Variants in DCTN4 observed in about 807,000 individuals in gnomAD.
DCTN4 encodes dynactin subunit 4, also known as dynactin 4 (p62).
In DCTN4, 23 loss-of-function variants were observed where a neutral mutation model predicts 62.7. That is an observed-to-expected ratio of 0.37 (90% confidence interval 0.26 to 0.52). The LOEUF is 0.52. Among genes scored for constraint, DCTN4 ranks in the 20% least tolerant of loss-of-function variants. The pLI, the probability that DCTN4 is intolerant of heterozygous loss-of-function variation, is 0.92. For missense variants in DCTN4, 514 were observed against 580.4 expected (o/e 0.89, Z 1.18); for synonymous variants, 199 against 202.1 (o/e 0.98, Z 0.13).
intron 3 of DCTN4, among the ~76,000 whole-genome samples, chr5:150,748,042 C>A (rs1471205632): frequency 6.6e-6 from 1 of 150,810 alleles, no homozygotes; most frequent in Admixed American, 6.6e-5. Context: ...ACCTACTCAT[C>A]TGACAAAGGG....
At chr5:150,755,897 A>G (rs1752841746) in intron 2 of DCTN4, among the ~76,000 whole-genome samples, 1 of 152,226 alleles carries the variant, frequency 6.6e-6, no homozygotes. Context: ...GGAACTCTCC[A>G]TACTATCTTC....
intron 1 of DCTN4, among the ~76,000 whole-genome samples, chr5:150,757,044 G>T (rs1752890109): frequency 6.6e-6 from 1 of 152,116 alleles, no homozygotes; most frequent in Non-Finnish European, 1.5e-5. Context: ...TAAAAAACTG[G>T]AGTCTAAAAT....
rs149097016 is a variant in DCTN4 at position 150,741,031 on chromosome 5, C to G, written c.429+1083G>C. Among the ~76,000 whole-genome samples the G allele has an allele frequency of 4.5e-3, 680 of 152,062 alleles. 4 individuals carry two copies. Among genetic ancestry groups the G allele is most frequent in the African/African-American group, 0.016 (652 of 41,456 alleles). On this transcript the variant is annotated intron_variant, in intron 4 of 12. Coordinates refer to ENST00000447998, the MANE Select transcript of DCTN4 (RefSeq NM_016221.4). ...TCCATGTAAGCAAACACCAGGTGTT[C>G]CCCAAAAACCTATTTTTTTTTCTTT... is the stretch of plus-strand genomic sequence containing the variant.
intron 2 of DCTN4, chr5:150,755,588 T>C (rs369693244): frequency 6.1e-5 from 28 of 456,146 alleles, no homozygotes; most frequent in Admixed American, 2.6e-4. Context: ...AAAAACATCA[T>C]GCAAATCCTA....
At chr5:150,737,692 G>C (rs1470545094) in intron 4 of DCTN4, among the ~76,000 whole-genome samples, 1 of 151,900 alleles carries the variant, frequency 6.6e-6, no homozygotes, top group Non-Finnish European at 1.5e-5. Context: ...AGACAATCTA[G>C]GGTCATACCT....
intron 8 of DCTN4, among the ~76,000 whole-genome samples, chr5:150,729,260 T>C (rs1015368236): frequency 5.3e-5 from 8 of 151,896 alleles, no homozygotes; most frequent in African/African-American, 1.7e-4. Flanking sequence ...TTTTTCATTA[T>C]AGAAATTTTC....
intron 3 of DCTN4, among the ~76,000 whole-genome samples, chr5:150,744,322 C>A (rs1387090028): frequency 1.3e-5 from 2 of 151,786 alleles, no homozygotes; most frequent in Non-Finnish European, 2.9e-5. Context: ...GATTGGTGTA[C>A]CTGAAAGTGA....
At chr5:150,728,623 C>CT (rs907971552) in intron 8 of DCTN4, among the ~76,000 whole-genome samples, 45 of 151,962 alleles carry the variant, frequency 3.0e-4, no homozygotes, top group African/African-American at 1.0e-3. Context: ...TAAATTGAAT[C>CT]TTTTTTTTAA....
intron 4 of DCTN4, among the ~76,000 whole-genome samples, chr5:150,739,750 A>G (rs985984023): frequency 3.3e-5 from 5 of 152,236 alleles, no homozygotes; most frequent in Admixed American, 2.6e-4. Flanking sequence ...AATGAAACAG[A>G]ATAGAGAACC....
intron 8 of DCTN4, among the ~76,000 whole-genome samples, chr5:150,724,402 C>T (rs2113021944): frequency 6.6e-6 from 1 of 152,208 alleles, no homozygotes; most frequent in East Asian, 1.9e-4. Context: ...TGTGGCTTAT[C>T]TTTTCATTTC....
chr5:150,752,919 T>A (rs191170140), intron 3 of DCTN4, among the ~76,000 whole-genome samples: 3 of 151,854 alleles, frequency 2.0e-5, no homozygotes, highest in Non-Finnish European at 2.9e-5. Context: ...CAGGCTGGAG[T>A]GCAGAGGCCC....
chr5:150,719,841 A>G, intron 9 of DCTN4, 71 bp from the exon 10 acceptor site: 1 of 947,686 alleles, frequency 1.1e-6, no homozygotes, highest in South Asian at 1.5e-5. Context: ...TTTTAAAGCT[A>G]GTGCAGTACA....
intron 2 of DCTN4, among the ~76,000 whole-genome samples, chr5:150,754,647 A>G (rs529379154): frequency 6.6e-6 from 1 of 152,310 alleles, no homozygotes; most frequent in Non-Finnish European, 1.5e-5. Flanking sequence ...CTCCTTGGAG[A>G]AACAACTCTA....
intron 12 of DCTN4, among the ~76,000 whole-genome samples, chr5:150,711,973 C>T (rs1260292272): frequency 1.3e-5 from 2 of 152,080 alleles, no homozygotes; most frequent in Non-Finnish European, 2.9e-5. Flanking sequence ...AATGGTTGCA[C>T]AGTATTCAAT....
rs544001956 is a variant in DCTN4, at chr5:150,745,826, A to C, written c.386-3669T>G. Among the ~76,000 whole-genome samples the C allele has an allele frequency of 2.6e-4, 40 of 152,278 alleles. No individual in the cohort carries two copies. In the East Asian group the frequency reaches 7.7e-3, roughly 29 times the overall value. Reference sequence around the variant, plus strand: ...GGGAAATTTATAGCACTAAATGCCCACAAGAGAAACCAGGAAAGATCCAAA... The same window carrying C: ...GGGAAATTTATAGCACTAAATGCCCCCAAGAGAAACCAGGAAAGATCCAAA... On this transcript the variant is annotated intron_variant, in intron 3 of 12. Coordinates refer to ENST00000447998, the MANE Select transcript of DCTN4 (RefSeq NM_016221.4).
chr5:150,750,882 T>C (rs1752647173), intron 3 of DCTN4, among the ~76,000 whole-genome samples: 1 of 152,190 alleles, frequency 6.6e-6, no homozygotes, highest in East Asian at 1.9e-4. Flanking sequence ...TACATGAATA[T>C]ACATATTTCA....
chr5:150,756,321 G>A, intron 2 of DCTN4, 96 bp downstream of exon 2: 2 of 820,954 alleles, frequency 2.4e-6, no homozygotes, highest in South Asian at 4.1e-5. Context: ...TTACAGGCGT[G>A]AGCCACCATG....
Position 150,715,649 on chromosome 5 carries a change from G to A in DCTN4, c.1085C>T (p.Pro362Leu), listed in dbSNP as rs968816954. 3.1e-6 allele frequency: 5 copies of A among 1,613,920 alleles called. No homozygotes were observed. The highest frequency in any genetic ancestry group is 2.2e-5 in the East Asian group (1 of 44,894). Residue 362 changes from proline (P) to leucine (L), a missense_variant, in exon 12 of 13, where the codon CCC becomes CTC. By Grantham distance (98) the Pro-to-Leu change is moderately conservative (BLOSUM62 -3). Transcript: ENST00000447998. ...INSTAKVVVP[P>L]KELVLAGKDA... ...CTTGCCAGCTAAAACGAGCTCTTTG[G>A]GAGGCACCACCACCTGGAGAGCAAC...
intron 8 of DCTN4, among the ~76,000 whole-genome samples, chr5:150,724,589 T>C (rs536237385): frequency 2.0e-5 from 3 of 152,370 alleles, no homozygotes; most frequent in East Asian, 3.9e-4. Context: ...AGATTTCCAA[T>C]GTTCCTGAAA....
Sources: gnomAD v4.1 joint callset for allele counts (sites outside exome capture counted in the v4.1 genomes callset) on GRCh38, gnomAD v4.1.1 for gene constraint, MANE v1.5 for transcripts, NCBI Gene and HGNC (gene_info 2026-07-23, HGNC 2026-07-21) for gene names.